ITK: variants seen among roughly 807,000 people sequenced by gnomAD.
ITK encodes the protein IL2 inducible T cell kinase, also known as tyrosine-protein kinase ITK/TSK.
ITK carries 45 observed loss-of-function variants against 87.6 expected under a neutral mutation model. The ratio of observed to expected loss-of-function variants is 0.51; its 90% CI spans 0.40 to 0.66. The LOEUF (loss-of-function observed/expected upper bound fraction) is 0.66, where lower values mean the gene tolerates loss of function less well. Ranked by LOEUF, ITK falls within the 30% of genes least tolerant of loss-of-function variation. The pLI is 0.00. For synonymous variants in ITK, 303 were observed against 273.6 expected, an observed-to-expected ratio of 1.11 and a Z score of -1.06; for missense variants, 605 against 766.3, an observed-to-expected ratio of 0.79 and a Z score of 2.48.
intron 15 of ITK, 81 bp from the exon 16 acceptor site, chr5:157,248,769 T>C: frequency 6.7e-7 from 1 of 1,500,710 alleles, no homozygotes; most frequent in South Asian, 1.1e-5. Context: ...GCAAGGAGTC[T>C]GTAATTTCTA....
intron 6 of ITK, among the ~76,000 whole-genome samples, chr5:157,227,035 G>A (rs868272968): frequency 2.6e-5 from 4 of 152,206 alleles, no homozygotes; most frequent in Middle Eastern, 3.4e-3. Context: ...GCCCAGGTTT[G>A]TCTCAAACTC....
chr5:157,243,002 G>C (rs1754943543), intron 11 of ITK, among the ~76,000 whole-genome samples: 1 of 151,994 alleles, frequency 6.6e-6, no homozygotes, highest in African/African-American at 2.4e-5. Flanking sequence ...ATGAAAATAA[G>C]GGTATTCTAA....
chr5:157,252,504 C>A, intron 16 of ITK, 103 bp from the exon 17 acceptor site: 1 of 857,972 alleles, frequency 1.2e-6, no homozygotes. Flanking sequence ...GAAGCACATA[C>A]AAAAATCCAC....
chr5:157,213,551 TC>T lies in ITK; in HGVS notation c.326-639del, dbSNP rs775470630. The T allele has an allele frequency of 7.1e-6, 3 of 424,246 alleles. 1 individual carries two copies. The highest frequency in any genetic ancestry group is 4.8e-5 in the South Asian group (3 of 62,318). 26.3% of individuals were successfully genotyped at this position (424,246 alleles called of 1,614,324 possible). A position where few individuals can be genotyped will look rare whatever the true frequency, so the allele number is the denominator to read the frequency against. On this transcript the variant is annotated intron_variant, in intron 3 of 16. Transcript: ENST00000422843. ...TGACACCATGCCCAGCTAACTTTTT[TC>T]TTTTTTTTTGGTAGAAAAGGGGTCT... is the stretch of plus-strand genomic sequence containing the variant.
intron 1 of ITK, among the ~76,000 whole-genome samples, chr5:157,192,383 A>G (rs1420195122): frequency 6.6e-6 from 1 of 152,242 alleles, no homozygotes; most frequent in Non-Finnish European, 1.5e-5. Flanking sequence ...AAGGTGTCAC[A>G]GGAGCCACTT....
intron 5 of ITK, among the ~76,000 whole-genome samples, chr5:157,222,319 G>A (rs1754436414): frequency 6.6e-6 from 1 of 152,150 alleles, no homozygotes; most frequent in South Asian, 2.1e-4. Flanking sequence ...GGAGAAGGAA[G>A]GGAGACAGGT....
intron 7 of ITK, among the ~76,000 whole-genome samples, chr5:157,229,962 G>A (rs1349090757): frequency 1.3e-5 from 2 of 152,192 alleles, no homozygotes; most frequent in African/African-American, 4.8e-5. Flanking sequence ...ACTAAATACA[G>A]TGGTGATCCT....
Position 157,209,459 on chromosome 5 carries a change from C to T in ITK, c.243+466C>T, listed in dbSNP as rs184455631. Among the ~76,000 whole-genome samples the T allele has an allele frequency of 4.4e-4, 67 of 152,244 alleles. 1 individual carries two copies. The highest frequency in any genetic ancestry group is 1.5e-3 in the African/African-American group (64 of 41,542). Reference sequence around the variant, plus strand: ...ACGTATGTGTTCCTTCCATCAGTGACATTTATTTGTTAATTCTTTCACTTA... The same window carrying T: ...ACGTATGTGTTCCTTCCATCAGTGATATTTATTTGTTAATTCTTTCACTTA... On this transcript the variant is annotated intron_variant, in intron 2 of 16. Transcript: ENST00000422843.
intron 9 of ITK, 28 bp from the exon 10 acceptor site, chr5:157,240,034 C>T (rs1356575496): frequency 1.2e-6 from 2 of 1,605,858 alleles, no homozygotes; most frequent in Non-Finnish European, 1.7e-6. Flanking sequence ...TCTTAATAAT[C>T]ATTACATTTG....
intron 1 of ITK, among the ~76,000 whole-genome samples, chr5:157,193,842 C>T (rs1580876494): frequency 6.6e-6 from 1 of 151,990 alleles, no homozygotes; most frequent in Non-Finnish European, 1.5e-5. Context: ...CAGACTTACC[C>T]GAAAGACAGC....
intron 7 of ITK, among the ~76,000 whole-genome samples, chr5:157,231,732 A>G (rs778275625): frequency 2.0e-5 from 3 of 152,210 alleles, no homozygotes; most frequent in South Asian, 2.1e-4. Context: ...CCTAAAAATC[A>G]TTTATATTCT....
At chr5:157,201,736 C>CA (rs34192469) in intron 1 of ITK, among the ~76,000 whole-genome samples, 4,326 of 114,384 alleles carry the variant, frequency 0.038, 137 homozygotes, top group African/African-American at 0.09. Context: ...TAATTTTCCA[C>CA]AAAAAAAAAA....
Position 157,240,200 on chromosome 5 carries a change from G to A in ITK, c.985+5G>A, listed in dbSNP as rs1190354232. ...ATCACCAACATAATGGAGGAGGTAA[G>A]CTCTAGAGCAGGGGTGGACCCGGGC... On this transcript the variant is annotated splice_donor_5th_base_variant and intron_variant, in intron 10 of 16. Coordinates refer to ENST00000422843, the MANE Select transcript of ITK (RefSeq NM_005546.4). The A allele has an allele frequency of 6.2e-7, 1 of 1,614,112 alleles. No individual in the cohort carries two copies. Among genetic ancestry groups the A allele is most frequent in the Admixed American group, 1.7e-5 (1 of 60,020 alleles).
chr5:157,214,391 C>T, intron 4 of ITK, 72 bp downstream of exon 4: 1 of 1,237,484 alleles, frequency 8.1e-7, no homozygotes, highest in Non-Finnish European at 1.2e-6. Context: ...GGCCTTTAAT[C>T]ATTGAGGGTG....
chr5:157,219,357 C>T (rs1015248154), intron 5 of ITK, among the ~76,000 whole-genome samples: 3 of 152,150 alleles, frequency 2.0e-5, no homozygotes, highest in Admixed American at 6.5e-5. Flanking sequence ...AGGCGATCAA[C>T]CCACTTCAAC....
intron 16 of ITK, among the ~76,000 whole-genome samples, chr5:157,249,464 C>A (rs888586707): frequency 1.3e-5 from 2 of 152,340 alleles, no homozygotes; most frequent in Admixed American, 6.5e-5. Context: ...TTCCTCTGTA[C>A]CCGCCCAGGT....
intron 1 of ITK, among the ~76,000 whole-genome samples, chr5:157,207,103 A>C (rs952213094): frequency 5.3e-5 from 8 of 152,202 alleles, no homozygotes; most frequent in Non-Finnish European, 1.0e-4. Context: ...TTATATAACC[A>C]TGGTCATCTG....
chr5:157,221,143 C>T (rs955572488), intron 5 of ITK, among the ~76,000 whole-genome samples: 2 of 151,676 alleles, frequency 1.3e-5, no homozygotes, highest in African/African-American at 4.8e-5. Flanking sequence ...AATATTGGGA[C>T]ATGACTGCAC....
intron 12 of ITK, chr5:157,244,057 A>T: frequency 1.5e-6 from 1 of 676,360 alleles, no homozygotes; most frequent in Non-Finnish European, 2.7e-6. Flanking sequence ...GCCTCTGCTC[A>T]TCTTCACACA....
Sources: gnomAD v4.1 joint callset for allele counts (sites outside exome capture counted in the v4.1 genomes callset) on GRCh38, gnomAD v4.1.1 for gene constraint, MANE v1.5 for transcripts, NCBI Gene and HGNC (gene_info 2026-07-23, HGNC 2026-07-21) for gene names.